The following CPAP variants were observed in gnomAD, a reference collection of about 807,000 sequenced individuals.
CPAP encodes the protein centrosome assembly and centriole elongation protein.
chr13:24,908,465 T>G, the CPAP span, among the ~76,000 whole-genome samples: 1 of 84,028 alleles, frequency 1.2e-5, no homozygotes, highest in Non-Finnish European at 2.4e-5. Flanking sequence ...AAAAAAAAAA[T>G]TAGCCAGGCG....
At chr13:24,904,260 T>A in the CPAP span, among the ~76,000 whole-genome samples, 2 of 152,180 alleles carry the variant, frequency 1.3e-5, no homozygotes, top group Non-Finnish European at 2.9e-5. Context: ...TATGGAAGAA[T>A]TAATCTACCT....
chr13:24,912,949 C>T, the CPAP span: 8 of 1,614,154 alleles, frequency 5.0e-6, no homozygotes, highest in Admixed American at 1.7e-5. Flanking sequence ...GACCCCAGCC[C>T]GAGAAGGATT....
the CPAP span, among the ~76,000 whole-genome samples, chr13:24,907,813 A>C: frequency 1.3e-5 from 2 of 152,232 alleles, no homozygotes; most frequent in African/African-American, 4.8e-5. Flanking sequence ...AAAAGCTTCG[A>C]GAATACAATG....
chr13:24,912,579 T>C, the CPAP span: 5 of 1,611,396 alleles, frequency 3.1e-6, no homozygotes, highest in East Asian at 8.9e-5. Context: ...AATCCTATTG[T>C]ACCTGTTCAA....
At chr13:24,917,857 G>C in the CPAP span, among the ~76,000 whole-genome samples, 1 of 152,210 alleles carries the variant, frequency 6.6e-6, no homozygotes, top group Non-Finnish European at 1.5e-5. Flanking sequence ...AAAACAGCCT[G>C]TGAGAGAGAG....
the CPAP span, chr13:24,892,997 A>AT: frequency 1.4e-6 from 1 of 738,908 alleles, no homozygotes; most frequent in Non-Finnish European, 2.3e-6. Context: ...AACAGACGAC[A>AT]TTTAAGACGA....
chr13:24,928,811 C>T, the CPAP span, among the ~76,000 whole-genome samples: 3 of 152,098 alleles, frequency 2.0e-5, no homozygotes, highest in Non-Finnish European at 4.4e-5. Flanking sequence ...AAATCTATTG[C>T]TGGTGTATTG....
At chr13:24,914,905 T>A in the CPAP span, among the ~76,000 whole-genome samples, 1 of 152,058 alleles carries the variant, frequency 6.6e-6, no homozygotes, top group South Asian at 2.1e-4. Flanking sequence ...AAACCCCGTT[T>A]CTAATAAAAA....
chr13:24,912,705 C>T, the CPAP span: 1 of 1,614,128 alleles, frequency 6.2e-7, no homozygotes, highest in African/African-American at 1.3e-5. Flanking sequence ...ATGCCGCTAC[C>T]TGTGGTCCCT....
chr13:24,912,637 G>A, the CPAP span: 29 of 1,613,448 alleles, frequency 1.8e-5, no homozygotes, highest in South Asian at 3.3e-5. Context: ...GAATTCACTC[G>A]CAAGATCTGG....
the CPAP span, among the ~76,000 whole-genome samples, chr13:24,904,764 ATAATTTCTATTT>A: frequency 4.9e-4 from 75 of 152,332 alleles, no homozygotes; most frequent in African/African-American, 1.5e-3. Flanking sequence ...AATTAACGTT[ATAATTTCTATTT>A]TAATTTCTAT....
the CPAP span, among the ~76,000 whole-genome samples, chr13:24,921,430 A>C: frequency 6.6e-6 from 1 of 152,204 alleles, no homozygotes; most frequent in Non-Finnish European, 1.5e-5. Context: ...CCCAAATAAA[A>C]CGTTAAACTT....
At chr13:24,891,854 G>A in the CPAP span, among the ~76,000 whole-genome samples, 8 of 152,088 alleles carry the variant, frequency 5.3e-5, no homozygotes, top group South Asian at 2.1e-4. Context: ...ACCGCTCCTC[G>A]CCCACTAATC....
chr13:24,915,802 AAAC>A, the CPAP span, among the ~76,000 whole-genome samples: 18,946 of 151,898 alleles, frequency 0.12, 1,423 homozygotes, highest in East Asian at 0.32. Context: ...TCCATCTCGA[AAAC>A]AACAACAACA....
chr13:24,894,726 G>C, the CPAP span, among the ~76,000 whole-genome samples: 18,332 of 152,208 alleles, frequency 0.12, 1,210 homozygotes, highest in Non-Finnish European at 0.15. Flanking sequence ...AGGCGGAGGC[G>C]GAGGGTGGGC....
chr13:24,903,871 A>G, the CPAP span: 1 of 1,557,120 alleles, frequency 6.4e-7, no homozygotes, highest in Non-Finnish European at 8.9e-7. Context: ...AGATGGTCTT[A>G]AAGGTATAAC....
the CPAP span, chr13:24,912,434 G>A: frequency 1.4e-6 from 1 of 695,560 alleles, no homozygotes; most frequent in Non-Finnish European, 2.4e-6. Context: ...ACACTTAAAT[G>A]TTTCACATTA....
the CPAP span, chr13:24,922,818 A>G: frequency 6.6e-6 from 1 of 152,526 alleles, no homozygotes; most frequent in Non-Finnish European, 1.5e-5. Flanking sequence ...TCTCCGCAGC[A>G]TTTACAAATG....
chr13:24,933,157 T>C, the CPAP span: 3 of 1,505,476 alleles, frequency 2.0e-6, no homozygotes, highest in Non-Finnish European at 1.8e-6. Flanking sequence ...TGTCATAAAC[T>C]ACAGTGTGAT....
Sources: gnomAD v4.1 joint callset for allele counts (sites outside exome capture counted in the v4.1 genomes callset) on GRCh38, gnomAD v4.1.1 for gene constraint, MANE v1.5 for transcripts, NCBI Gene and HGNC (gene_info 2026-07-23, HGNC 2026-07-21) for gene names.